Variants in PDZRN4 observed in about 807,000 individuals in gnomAD.
PDZRN4 encodes the protein PDZ domain containing ring finger 4, also known as PDZ domain-containing RING finger protein 4.
Under a neutral mutation model 99.0 loss-of-function variants are expected in PDZRN4, and 70 were observed. That is an observed-to-expected ratio of 0.71 (90% CI 0.58 to 0.86). The LOEUF is 0.86. PDZRN4 is among the 40% of genes least tolerant of loss of function. The probability of loss-of-function intolerance (pLI) is 0.00; values close to 1 mark genes in which losing one functional copy is unlikely to be tolerated. For synonymous variants in PDZRN4, 551 were observed against 501.6 expected, an observed-to-expected ratio of 1.10 and a Z score of -1.32; for missense variants, 1,474 against 1,331.2, an observed-to-expected ratio of 1.11 and a Z score of -1.67.
chr12:41,456,528 TA>T (rs1266501021), intron 3 of PDZRN4, among the ~76,000 whole-genome samples: 1 of 152,146 alleles, frequency 6.6e-6, no homozygotes, highest in Non-Finnish European at 1.5e-5. Context: ...TCTATATTAA[TA>T]AAATTAGTGT....
At chr12:41,507,220 T>G (rs1646888743) in intron 4 of PDZRN4, among the ~76,000 whole-genome samples, 6 of 152,076 alleles carry the variant, frequency 3.9e-5, no homozygotes, top group Admixed American at 3.9e-4. Flanking sequence ...CCCAATATAT[T>G]GAGATATAAA....
At chr12:41,355,821 A>G (rs1216381430) in intron 3 of PDZRN4, among the ~76,000 whole-genome samples, 1 of 152,066 alleles carries the variant, frequency 6.6e-6, no homozygotes, top group Non-Finnish European at 1.5e-5. Context: ...AGTTAAAAAA[A>G]GAAACACTAA....
rs1239699835 is a variant in PDZRN4 at position 41,572,802 on chromosome 12, A to G, written c.2023A>G (p.Asn675Asp). Residue 675 changes from asparagine to aspartate, a missense_variant, in exon 10 of 10, where the codon AAC (asparagine) becomes GAC (aspartate). Physicochemically the swap from Asn to Asp is conservative, Grantham distance 23. Coordinates refer to ENST00000402685, the MANE Select transcript of PDZRN4 (RefSeq NM_001164595.2). ...ELQLLNEELRNIELECQNIMQ... is the reference protein window; with the variant it reads ...ELQLLNEELRDIELECQNIMQ... ...ACAGTTGCTTAATGAAGAACTGAGAAACATTGAGCTTGAGTGTCAGAATAT... is the reference window on the plus strand; with the variant it reads ...ACAGTTGCTTAATGAAGAACTGAGAGACATTGAGCTTGAGTGTCAGAATAT... 6.2e-7 allele frequency: 1 copy of G among 1,614,168 alleles called. No individual in the cohort carries two copies. Among genetic ancestry groups the G allele is most frequent in the Admixed American group, 1.7e-5 (1 of 60,016 alleles).
At chr12:41,372,245 C>A (rs1592032126) in intron 3 of PDZRN4, among the ~76,000 whole-genome samples, 1 of 152,104 alleles carries the variant, frequency 6.6e-6, no homozygotes, top group African/African-American at 2.4e-5. Flanking sequence ...AATTATAAAA[C>A]CAGTTATATA....
At chr12:41,375,956 A>C (rs888933619) in intron 3 of PDZRN4, among the ~76,000 whole-genome samples, 1 of 152,138 alleles carries the variant, frequency 6.6e-6, no homozygotes, top group African/African-American at 2.4e-5. Context: ...TTTCTGAGTG[A>C]TATTTTTCAA....
intron 3 of PDZRN4, among the ~76,000 whole-genome samples, chr12:41,466,286 C>G: frequency 6.6e-6 from 1 of 152,054 alleles, no homozygotes; most frequent in East Asian, 1.9e-4. Context: ...CCTCATGATC[C>G]CTGTTATATT....
At chr12:41,268,559 T>C (rs910453843) in intron 3 of PDZRN4, among the ~76,000 whole-genome samples, 1 of 152,228 alleles carries the variant, frequency 6.6e-6, no homozygotes, top group Non-Finnish European at 1.5e-5. Context: ...TTTTAATTAT[T>C]TCCAGATACG....
At chr12:41,221,362 G>A (rs2120724710) in intron 3 of PDZRN4, among the ~76,000 whole-genome samples, 1 of 152,268 alleles carries the variant, frequency 6.6e-6, no homozygotes, top group African/African-American at 2.4e-5. Flanking sequence ...CAACTTATAT[G>A]AGGCACATGG....
intron 3 of PDZRN4, chr12:41,437,806 C>A: frequency 1.9e-6 from 3 of 1,563,816 alleles, no homozygotes; most frequent in Non-Finnish European, 2.6e-6. Context: ...TTCCAGCTAA[C>A]AGCGGTTTGT....
intron 3 of PDZRN4, among the ~76,000 whole-genome samples, chr12:41,195,820 T>A (rs1238275257): frequency 2.6e-5 from 4 of 152,160 alleles, no homozygotes; most frequent in Non-Finnish European, 5.9e-5. Flanking sequence ...CAGAAGATTG[T>A]CCCTATTACT....
At chr12:41,357,649 A>T (rs995050356) in intron 3 of PDZRN4, among the ~76,000 whole-genome samples, 2 of 151,992 alleles carry the variant, frequency 1.3e-5, no homozygotes, top group African/African-American at 4.8e-5. Flanking sequence ...CATGTACTGT[A>T]CCTAGTATTT....
At chr12:41,383,743 G>A (rs1281467030) in intron 3 of PDZRN4, among the ~76,000 whole-genome samples, 1 of 152,124 alleles carries the variant, frequency 6.6e-6, no homozygotes, top group African/African-American at 2.4e-5. Flanking sequence ...TGAGATATTT[G>A]TAGCTGATTT....
intron 5 of PDZRN4, among the ~76,000 whole-genome samples, chr12:41,548,025 G>A (rs564461012): frequency 4.6e-5 from 7 of 152,312 alleles, no homozygotes; most frequent in East Asian, 3.9e-4. Context: ...ATAAACAGGC[G>A]GGGTTAAGGA....
At chr12:41,191,256 G>A (rs74739255) in intron 1 of PDZRN4, among the ~76,000 whole-genome samples, 2,651 of 152,220 alleles carry the variant, frequency 0.017, 53 homozygotes, top group African/African-American at 0.048. Context: ...CCCCTCACAT[G>A]CACAGTTGTT....
intron 1 of PDZRN4, among the ~76,000 whole-genome samples, 188 bp downstream of exon 1, chr12:41,189,291 T>G (rs1591960442): frequency 6.6e-6 from 1 of 152,132 alleles, no homozygotes; most frequent in Admixed American, 6.5e-5. Flanking sequence ...AGTTAAGGAT[T>G]GTCCCTTTTC....
intron 3 of PDZRN4, among the ~76,000 whole-genome samples, chr12:41,197,252 G>C (rs1950779456): frequency 6.6e-6 from 1 of 151,914 alleles, no homozygotes; most frequent in Non-Finnish European, 1.5e-5. Context: ...TGGTTAAAAA[G>C]ATTTTATAAA....
intron 3 of PDZRN4, among the ~76,000 whole-genome samples, chr12:41,472,730 CAT>C (rs1953005158): frequency 6.6e-6 from 1 of 152,144 alleles, no homozygotes; most frequent in Admixed American, 6.5e-5. Flanking sequence ...TCTCGATAAA[CAT>C]ATGAGATGGT....
chr12:41,317,956 A>AC (rs1951650028), intron 3 of PDZRN4, among the ~76,000 whole-genome samples: 1 of 152,184 alleles, frequency 6.6e-6, no homozygotes, highest in Non-Finnish European at 1.5e-5. Context: ...GTTGAAAAAA[A>AC]CCACAGGCAG....
chr12:41,188,387 C>T lies in PDZRN4; in HGVS notation c.-69C>T. 3.6e-6 allele frequency: 5 copies of T among 1,401,728 alleles called. No homozygotes were observed. The highest frequency in any genetic ancestry group is 4.7e-6 in the Non-Finnish European group (5 of 1,068,148). 86.8% of individuals were successfully genotyped at this position (1,401,728 alleles called of 1,614,324 possible). A position where few individuals can be genotyped will look rare whatever the true frequency, so the allele number is the denominator to read the frequency against. On this transcript the variant is annotated 5_prime_UTR_variant, in exon 1 of 10. Coordinates refer to ENST00000402685, the MANE Select transcript of PDZRN4 (RefSeq NM_001164595.2). ...CGAGACGGCTGCCCCGGGGGTGGCC[C>T]GGGGAAGGCAGGGGGGCTCGGAGAA...
Sources: gnomAD v4.1 joint callset for allele counts (sites outside exome capture counted in the v4.1 genomes callset) on GRCh38, gnomAD v4.1.1 for gene constraint, MANE v1.5 for transcripts, NCBI Gene and HGNC (gene_info 2026-07-23, HGNC 2026-07-21) for gene names.